The following VIT variants were observed in gnomAD, a reference collection of about 807,000 sequenced individuals.
The protein encoded by VIT is vitrin.
A neutral mutation model predicts 78.0 loss-of-function variants in VIT; 99 were observed. That is an observed-to-expected ratio of 1.27 (90% confidence interval 1.08 to 1.50). VIT has a LOEUF of 1.50. Among genes scored for constraint, VIT ranks in the 40% most tolerant of loss-of-function variants. The probability of loss-of-function intolerance (pLI) is 0.00; values close to 1 mark genes in which losing one functional copy is unlikely to be tolerated. For synonymous variants in VIT, 374 were observed against 334.3 expected, an observed-to-expected ratio of 1.12 and a Z score of -1.29; for missense variants, 1,126 against 875.3, an observed-to-expected ratio of 1.29 and a Z score of -3.61.
Position 36,808,901 on chromosome 2 carries a change from A to C in VIT, c.1819A>C (p.Asn607His). 1 of 1,614,116 alleles carries C rather than the reference A, an allele frequency of 6.2e-7. No homozygotes were observed. Residue 607 changes from asparagine (N) to histidine (H), a missense_variant, in exon 15 of 16, where the codon AAC (asparagine) becomes CAC (histidine). Transcript: ENST00000379242. ...LEQLFKKSKP[N>H]KRKLMILITD... Reference sequence around the variant, plus strand: ...GCAGCTCTTCAAGAAGTCCAAGCCCAACAAGAGGAAGTTAATGATCCTCAT... The same window carrying C: ...GCAGCTCTTCAAGAAGTCCAAGCCCCACAAGAGGAAGTTAATGATCCTCAT...
At chr2:36,804,889 G>A (rs1021772387) in intron 13 of VIT, among the ~76,000 whole-genome samples, 9 of 151,990 alleles carry the variant, frequency 5.9e-5, no homozygotes, top group East Asian at 3.9e-4. Context: ...TCTTCAAAGC[G>A]GAGACAATTA....
intron 2 of VIT, among the ~76,000 whole-genome samples, chr2:36,720,169 A>C (rs371936899): frequency 5.3e-5 from 8 of 152,308 alleles, no homozygotes; most frequent in African/African-American, 1.9e-4. Flanking sequence ...AACAGAAAAG[A>C]TTCCAAAAGG....
intron 4 of VIT, among the ~76,000 whole-genome samples, chr2:36,747,993 G>C (rs2148529578): frequency 6.6e-6 from 1 of 152,302 alleles, no homozygotes; most frequent in Admixed American, 6.5e-5. Flanking sequence ...AGCTTAGCTT[G>C]GCAGAATACG....
At chr2:36,710,838 G>A (rs1486294358) in intron 1 of VIT, among the ~76,000 whole-genome samples, 5 of 152,174 alleles carry the variant, frequency 3.3e-5, no homozygotes, top group African/African-American at 4.8e-5. Flanking sequence ...CCAGTTTGGA[G>A]CTATGGGAAA....
intron 7 of VIT, among the ~76,000 whole-genome samples, chr2:36,768,628 A>C (rs1334719786): frequency 6.6e-6 from 1 of 152,166 alleles, no homozygotes; most frequent in African/African-American, 2.4e-5. Flanking sequence ...TCCAGCCTAC[A>C]CAGCTGGGAA....
chr2:36,782,950 T>C (rs531143375), intron 10 of VIT, among the ~76,000 whole-genome samples: 1 of 152,362 alleles, frequency 6.6e-6, no homozygotes, highest in African/African-American at 2.4e-5. Flanking sequence ...AGGACCTACA[T>C]GATCTTGGCA....
In VIT at chr2:36,783,393, G is replaced by A. The variant is rs1298270318; in HGVS notation, c.901G>A (p.Gly301Arg). 4.3e-6 allele frequency: 7 copies of A among 1,614,076 alleles called. No individual in the cohort carries two copies. Among genetic ancestry groups the A allele is most frequent in the South Asian group, 1.1e-5 (1 of 91,076 alleles). The change falls in exon 11 of 16, where the codon GGA becomes AGA. Residue 301 changes from glycine to arginine, a missense_variant. Gly to Arg is a moderately radical substitution (Grantham distance 125, BLOSUM62 -2). Transcript: ENST00000379242. Reference sequence around the variant, plus strand: ...ACAGTCTTTGGAGCCAGTATCCCTGGGAGATCCAAGTAAGTTAATTGACAA... The same window carrying A: ...ACAGTCTTTGGAGCCAGTATCCCTGAGAGATCCAAGTAAGTTAATTGACAA... ...STQSLEPVSL[G>R]DPNCKIDLSF...
intron 3 of VIT, among the ~76,000 whole-genome samples, chr2:36,736,938 G>A (rs985202870): frequency 2.0e-5 from 3 of 152,142 alleles, no homozygotes; most frequent in East Asian, 1.9e-4. Context: ...TATTTACCAC[G>A]TATTACTCTA....
rs868346217 is a variant in VIT at position 36,771,539 on chromosome 2, A to G, written c.680-2252A>G. ...AGACTTCATCTCAAAAAAAAAAAAG[A>G]AAAAGAAAAAGAAAAAAAAAAAAGA... On this transcript the variant is annotated intron_variant, in intron 7 of 15. Coordinates refer to ENST00000379242, the MANE Select transcript of VIT (RefSeq NM_053276.4). 3.1e-3 allele frequency among the ~76,000 whole-genome samples: 456 copies of G among 148,062 alleles called. 1 individual carries two copies. Among genetic ancestry groups the G allele is most frequent in the African/African-American group, 0.01 (389 of 38,288 alleles).
In VIT at chr2:36,805,540, C is replaced by T. The variant is rs773000051; in HGVS notation, c.1265C>T (p.Thr422Met). The change falls in exon 14 of 16, where the codon ACG (threonine) becomes ATG (methionine). Residue 422 changes from threonine (T) to methionine (M), a missense_variant. Physicochemically the swap from Thr to Met is moderately conservative, Grantham distance 81. Coordinates refer to ENST00000379242, the MANE Select transcript of VIT (RefSeq NM_053276.4). The stretch of plus-strand genomic sequence containing the variant: ...GTGGTGATGGTGGATGGCTGGCCCA[C>T]GGACAAAGTGGAGGAGGCTTCAAGA... ...VVVVMVDGWP[T>M]DKVEEASRLA... 1.8e-5 allele frequency: 29 copies of T among 1,614,084 alleles called. No individual in the cohort carries two copies. Among genetic ancestry groups the T allele is most frequent in the Middle Eastern group, 1.7e-4 (1 of 6,060 alleles).
chr2:36,779,262 G>A (rs1156979713), intron 9 of VIT, among the ~76,000 whole-genome samples: 1 of 152,178 alleles, frequency 6.6e-6, no homozygotes, highest in Admixed American at 6.5e-5. Flanking sequence ...TTAAAGTTCT[G>A]TTCTGCCACT....
intron 4 of VIT, among the ~76,000 whole-genome samples, chr2:36,753,445 A>C (rs966923417): frequency 5.9e-5 from 9 of 152,238 alleles, no homozygotes; most frequent in African/African-American, 2.2e-4. Flanking sequence ...ATAAAATGCT[A>C]TCCTTTCTAT....
chr2:36,800,563 A>C (rs1382324942), intron 12 of VIT, among the ~76,000 whole-genome samples: 1 of 152,048 alleles, frequency 6.6e-6, no homozygotes, highest in East Asian at 1.9e-4. Context: ...CCTGTGGCTG[A>C]GTGTCAGTGG....
At chr2:36,725,491 T>C (rs779374076) in intron 2 of VIT, among the ~76,000 whole-genome samples, 72 of 150,740 alleles carry the variant, frequency 4.8e-4, no homozygotes, top group Non-Finnish European at 9.1e-4. Context: ...TAAGGGCACT[T>C]GTCCCATCAT....
At chr2:36,737,592 T>G (rs1409561956) in intron 3 of VIT, among the ~76,000 whole-genome samples, 1 of 152,244 alleles carries the variant, frequency 6.6e-6, no homozygotes, top group Non-Finnish European at 1.5e-5. Context: ...TAATACCTTG[T>G]AAGGCATGGA....
chr2:36,800,501 G>A (rs1666243644), intron 12 of VIT, among the ~76,000 whole-genome samples: 1 of 152,182 alleles, frequency 6.6e-6, no homozygotes. Context: ...CTCTTCTGGA[G>A]CATGGAGCCC....
chr2:36,790,364 G>C (rs1441544052), intron 12 of VIT, among the ~76,000 whole-genome samples: 1 of 152,146 alleles, frequency 6.6e-6, no homozygotes, highest in Non-Finnish European at 1.5e-5. Flanking sequence ...AGCATCCTCT[G>C]CCGGGCTCTT....
chr2:36,776,742 C>G (rs1670070476), intron 9 of VIT, among the ~76,000 whole-genome samples: 1 of 151,718 alleles, frequency 6.6e-6, no homozygotes, highest in African/African-American at 2.4e-5. Context: ...GTGCAGTAAG[C>G]TGAGATGGCG....
chr2:36,761,967 C>A (rs1669150104), intron 6 of VIT, among the ~76,000 whole-genome samples: 1 of 152,150 alleles, frequency 6.6e-6, no homozygotes, highest in African/African-American at 2.4e-5. Flanking sequence ...TCACCCAAGG[C>A]CATAGTTCTA....
Sources: allele counts gnomAD v4.1 joint callset (sites outside exome capture counted in the v4.1 genomes callset), GRCh38; gene constraint gnomAD v4.1.1; transcripts MANE v1.5; gene names NCBI Gene and HGNC (gene_info 2026-07-23, HGNC 2026-07-21).